ARHGAP32: variants seen among roughly 807,000 people sequenced by gnomAD.
The protein encoded by ARHGAP32 is Rho GTPase activating protein 32.
In ARHGAP32, 51 loss-of-function variants were observed where a neutral mutation model predicts 186.5. The observed-to-expected ratio is 0.27, with a 90% CI of 0.22 to 0.35. The LOEUF (loss-of-function observed/expected upper bound fraction) is 0.35, where lower values mean the gene tolerates loss of function less well. Ranked by LOEUF, ARHGAP32 falls within the 10% of genes least tolerant of loss-of-function variation. The pLI is 1.00. For synonymous variants in ARHGAP32, 950 were observed against 964.3 expected (o/e 0.99, Z 0.27); for missense variants, 2,186 against 2,623.5 (o/e 0.83, Z 3.64).
At chr11:129,188,273 C>T (rs917258464) in intron 1 of ARHGAP32, among the ~76,000 whole-genome samples, 2 of 152,122 alleles carry the variant, frequency 1.3e-5, no homozygotes, top group African/African-American at 4.8e-5. Context: ...ATTGTTAATA[C>T]TACCTCTCTG....
At chr11:129,088,994 T>TGAAAAAAAAAAAAAAAAAAA (rs1565416702) in intron 6 of ARHGAP32, among the ~76,000 whole-genome samples, 1 of 65,572 alleles carries the variant, frequency 1.5e-5, no homozygotes. Flanking sequence ...AGAGACCTTG[T>TGAAAAAAAAAAAAAAAAAAA]CAAAAAAAAA....
chr11:129,065,783 G>A (rs7946629), intron 7 of ARHGAP32, among the ~76,000 whole-genome samples: 28,323 of 151,912 alleles, frequency 0.19, 2,803 homozygotes, highest in Non-Finnish European at 0.21. Flanking sequence ...CTCTCCTCCT[G>A]TAACTCCCAT....
intron 1 of ARHGAP32, among the ~76,000 whole-genome samples, chr11:129,228,408 C>T (rs1440610952): frequency 5.9e-5 from 9 of 152,076 alleles, no homozygotes; most frequent in African/African-American, 2.2e-4. Context: ...GTAAAATCAA[C>T]AAAACCAAAA....
chr11:129,225,283 A>G (rs758973009), intron 1 of ARHGAP32, among the ~76,000 whole-genome samples: 10 of 152,218 alleles, frequency 6.6e-5, no homozygotes, highest in Non-Finnish European at 1.2e-4. Context: ...CTCAAAGTCT[A>G]TTCACATGTA....
At chr11:129,164,813 A>G (rs1943599707) in intron 1 of ARHGAP32, among the ~76,000 whole-genome samples, 1 of 152,172 alleles carries the variant, frequency 6.6e-6, no homozygotes, top group African/African-American at 2.4e-5. Flanking sequence ...TAAAGAAAAG[A>G]TATGGTATTT....
chr11:128,975,038 A>T (rs775747159), intron 20 of ARHGAP32, 36 bp from the exon 21 acceptor site: 1 of 1,554,842 alleles, frequency 6.4e-7, no homozygotes, highest in African/African-American at 1.4e-5. Flanking sequence ...AAGTAAGAAC[A>T]TCGTAGATAC....
intron 1 of ARHGAP32, among the ~76,000 whole-genome samples, chr11:129,178,816 A>G (rs7479056): frequency 0.63 from 93,259 of 146,896 alleles, 30,114 homozygotes; most frequent in Non-Finnish European, 0.7. Flanking sequence ...AGACTTAAAT[A>G]TTAGACCTAA....
intron 1 of ARHGAP32, among the ~76,000 whole-genome samples, chr11:129,223,142 G>A (rs1302143239): frequency 6.6e-6 from 1 of 151,956 alleles, no homozygotes; most frequent in African/African-American, 2.4e-5. Flanking sequence ...CTAAGTCTTT[G>A]AACACAGCTT....
intron 10 of ARHGAP32, among the ~76,000 whole-genome samples, chr11:129,058,188 TAC>T (rs58479028): frequency 0.17 from 23,083 of 133,414 alleles, 2,605 homozygotes; most frequent in African/African-American, 0.32. Flanking sequence ...AAAAAAAATA[TAC>T]ACACACACAC....
chr11:129,206,983 T>C (rs1944523179), intron 1 of ARHGAP32, among the ~76,000 whole-genome samples: 1 of 152,082 alleles, frequency 6.6e-6, no homozygotes, highest in Non-Finnish European at 1.5e-5. Flanking sequence ...CAACTCCCAC[T>C]TATGAGTGAG....
intron 1 of ARHGAP32, among the ~76,000 whole-genome samples, chr11:129,174,756 A>C (rs1943872795): frequency 6.6e-6 from 1 of 152,166 alleles, no homozygotes; most frequent in South Asian, 2.1e-4. Flanking sequence ...GAAAACTAAC[A>C]AACAGAAAGC....
upstream of ARHGAP32, chr11:129,279,375 G>A (rs1945581933): frequency 6.9e-6 from 1 of 145,882 alleles, no homozygotes; most frequent in Non-Finnish European, 1.5e-5. Flanking sequence ...AGGCTCGGGG[G>A]CGGGGGCGCC....
At chr11:129,003,051 C>T (rs1937606052) in intron 11 of ARHGAP32, among the ~76,000 whole-genome samples, 3 of 152,202 alleles carry the variant, frequency 2.0e-5, no homozygotes, top group Admixed American at 1.3e-4. Context: ...CCGCCTCGGC[C>T]TCCCAAAGTG....
intron 1 of ARHGAP32, among the ~76,000 whole-genome samples, chr11:129,221,079 A>G (rs1360810460): frequency 6.6e-6 from 1 of 152,126 alleles, no homozygotes; most frequent in Non-Finnish European, 1.5e-5. Flanking sequence ...CTAGGAAAAA[A>G]AAAAGTCTAC....
At chr11:129,165,755 AT>A (rs1486890456) in intron 1 of ARHGAP32, among the ~76,000 whole-genome samples, 1 of 151,384 alleles carries the variant, frequency 6.6e-6, no homozygotes, top group Non-Finnish European at 1.5e-5. Flanking sequence ...CCTAGTAATA[AT>A]AAAAAAAAAA....
chr11:129,107,906 TA>T (rs1278052065), intron 5 of ARHGAP32, among the ~76,000 whole-genome samples: 1 of 150,032 alleles, frequency 6.7e-6, no homozygotes, highest in Admixed American at 6.7e-5. Flanking sequence ...AGCTTTTGTA[TA>T]GAATTGAAGT....
chr11:129,124,999 C>T (rs1439538356), intron 2 of ARHGAP32, 105 bp from the exon 3 acceptor site: 4 of 642,328 alleles, frequency 6.2e-6, no homozygotes, highest in Admixed American at 6.3e-5. Flanking sequence ...TTTTTACCTA[C>T]AAAATATATC....
chr11:129,272,490 T>G (rs1236101537), intron 1 of ARHGAP32, among the ~76,000 whole-genome samples: 1 of 152,174 alleles, frequency 6.6e-6, no homozygotes, highest in Non-Finnish European at 1.5e-5. Flanking sequence ...CACATACCAC[T>G]TATGTCCACA....
chr11:129,197,702 T>C (rs1258945892), intron 1 of ARHGAP32, among the ~76,000 whole-genome samples: 1 of 152,198 alleles, frequency 6.6e-6, no homozygotes, highest in African/African-American at 2.4e-5. Context: ...TCCAAATGTA[T>C]GGAGCACAAT....
Sources: allele counts gnomAD v4.1 joint callset (sites outside exome capture counted in the v4.1 genomes callset), GRCh38; gene constraint gnomAD v4.1.1; transcripts MANE v1.5; gene names NCBI Gene and HGNC (gene_info 2026-07-23, HGNC 2026-07-21).